NCKAP5: variants seen among roughly 807,000 people sequenced by gnomAD.
NCKAP5 encodes nck-associated protein 5.
A neutral mutation model predicts 167.0 loss-of-function variants in NCKAP5; 92 were observed. That is an observed-to-expected ratio of 0.55 (90% confidence interval 0.47 to 0.66). The LOEUF (loss-of-function observed/expected upper bound fraction) is 0.66, where lower values mean the gene tolerates loss of function less well. NCKAP5 is among the 30% of genes least tolerant of loss of function. The pLI, the probability that NCKAP5 is intolerant of heterozygous loss-of-function variation, is 0.00. For synonymous variants in NCKAP5, 891 were observed against 877.4 expected (o/e 1.02, Z -0.27); for missense variants, 2,378 against 2,315.0 (o/e 1.03, Z -0.56).
chr2:132,714,742 G>A lies in NCKAP5; in HGVS notation c.5713+10885C>T, dbSNP rs967067612. On this transcript the variant is annotated intron_variant, in intron 19 of 19. Coordinates refer to ENST00000409261, the MANE Select transcript of NCKAP5 (RefSeq NM_207363.3). ...GCAGGAGAATCGCTTGAACCCGGGA[G>A]GCAGAGGTTGCAGTGAGCCGAGATC... The A allele has an allele frequency of 3.7e-4, 142 of 385,986 alleles. 1 individual carries two copies. Among genetic ancestry groups the A allele is most frequent in the South Asian group, 2.4e-3 (122 of 51,306 alleles). The allele number at this position is 385,986 out of a possible 1,614,324, so 23.9% of individuals were successfully genotyped here. A position where few individuals can be genotyped will look rare whatever the true frequency, so the allele number is the denominator to read the frequency against.
intron 3 of NCKAP5, among the ~76,000 whole-genome samples, chr2:133,436,648 C>T (rs34702658): frequency 0.12 from 18,631 of 152,190 alleles, 1,457 homozygotes; most frequent in Non-Finnish European, 0.18. Context: ...CAGATCCCCA[C>T]TCTTCACCTG....
intron 11 of NCKAP5, among the ~76,000 whole-genome samples, chr2:132,838,323 C>G (rs1006070646): frequency 2.0e-5 from 3 of 152,058 alleles, no homozygotes; most frequent in African/African-American, 7.2e-5. Flanking sequence ...ATCTGCTCCC[C>G]CTCTTCTAAA....
chr2:133,261,748 G>A (rs2088918336), intron 4 of NCKAP5, among the ~76,000 whole-genome samples: 1 of 152,126 alleles, frequency 6.6e-6, no homozygotes, highest in Non-Finnish European at 1.5e-5. Flanking sequence ...GGAAAGAATA[G>A]GTATCATCTT....
At chr2:133,244,771 G>A (rs1434105241) in intron 4 of NCKAP5, among the ~76,000 whole-genome samples, 13 of 152,090 alleles carry the variant, frequency 8.5e-5, no homozygotes, top group African/African-American at 3.1e-4. Flanking sequence ...ATGAAGGAAA[G>A]TAACTCTTAA....
At chr2:132,798,387 G>T (rs1684771687) in intron 11 of NCKAP5, among the ~76,000 whole-genome samples, 1 of 152,212 alleles carries the variant, frequency 6.6e-6, no homozygotes, top group Admixed American at 6.5e-5. Flanking sequence ...TAAAGATTGA[G>T]AGAGTGCCAA....
chr2:133,536,046 C>T (rs1160209086), intron 2 of NCKAP5, among the ~76,000 whole-genome samples: 1 of 152,116 alleles, frequency 6.6e-6, no homozygotes, highest in Non-Finnish European at 1.5e-5. Flanking sequence ...AGTCCTTTGT[C>T]AGATGCATAG....
At chr2:132,879,505 T>A (rs1018665989) in intron 8 of NCKAP5, among the ~76,000 whole-genome samples, 1 of 152,200 alleles carries the variant, frequency 6.6e-6, no homozygotes, top group East Asian at 1.9e-4. Flanking sequence ...GGGTATGTGG[T>A]TGAATATGGT....
chr2:133,462,816 A>T (rs1692285250), intron 3 of NCKAP5, among the ~76,000 whole-genome samples: 1 of 152,222 alleles, frequency 6.6e-6, no homozygotes, highest in Non-Finnish European at 1.5e-5. Flanking sequence ...GCATAAGAGC[A>T]TGAATATGTC....
chr2:133,077,770 C>T (rs1444893837), intron 6 of NCKAP5, among the ~76,000 whole-genome samples: 5 of 152,186 alleles, frequency 3.3e-5, no homozygotes, highest in Non-Finnish European at 5.9e-5. Context: ...CTACTCTGGA[C>T]AGCTTCTGCA....
At chr2:132,883,615 CCCA>C (rs1250360184) in intron 8 of NCKAP5, among the ~76,000 whole-genome samples, 1 of 152,222 alleles carries the variant, frequency 6.6e-6, no homozygotes, top group Non-Finnish European at 1.5e-5. Context: ...TGCCCAACAG[CCCA>C]CTGGATCTGC....
At chr2:133,376,019 G>A (rs1686121103) in intron 3 of NCKAP5, among the ~76,000 whole-genome samples, 1 of 152,168 alleles carries the variant, frequency 6.6e-6, no homozygotes, top group Non-Finnish European at 1.5e-5. Context: ...AGGACCAAAT[G>A]CCTGGCTAGG....
At chr2:133,557,887 TG>T (rs1369739811) in intron 2 of NCKAP5, 1 of 152,120 alleles carries the variant, frequency 6.6e-6, no homozygotes, top group African/African-American at 2.4e-5. Flanking sequence ...TGCCCTGAGG[TG>T]GGGGCTTTCC....
chr2:133,075,635 A>G (rs2080574882), intron 6 of NCKAP5, among the ~76,000 whole-genome samples: 1 of 152,218 alleles, frequency 6.6e-6, no homozygotes, highest in Non-Finnish European at 1.5e-5. Context: ...GAGGTAAAAT[A>G]TCAACTCTAA....
intron 6 of NCKAP5, among the ~76,000 whole-genome samples, chr2:133,080,211 T>C (rs2080755602): frequency 6.6e-6 from 1 of 152,164 alleles, no homozygotes. Context: ...AGTATTACTT[T>C]TAAATAACAA....
intron 6 of NCKAP5, among the ~76,000 whole-genome samples, chr2:133,053,346 A>G (rs1184614149): frequency 6.6e-6 from 1 of 152,214 alleles, no homozygotes; most frequent in Non-Finnish European, 1.5e-5. Flanking sequence ...GTCTTGTTTT[A>G]TCCAAGATCC....
At chr2:133,526,679 C>T (rs1334108177) in intron 2 of NCKAP5, among the ~76,000 whole-genome samples, 1 of 152,126 alleles carries the variant, frequency 6.6e-6, no homozygotes, top group Non-Finnish European at 1.5e-5. Context: ...TCCCACTCTT[C>T]CTTTGTAAAG....
At chr2:133,495,421 C>T (rs1681854949) in intron 3 of NCKAP5, among the ~76,000 whole-genome samples, 1 of 152,134 alleles carries the variant, frequency 6.6e-6, no homozygotes, top group Non-Finnish European at 1.5e-5. Context: ...AGCACAGAAA[C>T]ACACTGACGC....
intron 3 of NCKAP5, among the ~76,000 whole-genome samples, chr2:133,447,589 CGTTCCCTTCCTTTCCCCTTCT>C (rs1559491830): frequency 7.0e-6 from 1 of 143,242 alleles, no homozygotes; most frequent in Non-Finnish European, 1.5e-5. Context: ...TTTCCCCTTC[CGTTCCCTTCCTTTCCCCTTCT>C]GTTCCCTTCC....
intron 5 of NCKAP5, among the ~76,000 whole-genome samples, chr2:133,136,912 C>A (rs982141372): frequency 6.6e-6 from 1 of 152,192 alleles, no homozygotes; most frequent in African/African-American, 2.4e-5. Flanking sequence ...CCAGAACAAT[C>A]CTTTTAATTC....
Sources: allele counts gnomAD v4.1 joint callset (sites outside exome capture counted in the v4.1 genomes callset), GRCh38; gene constraint gnomAD v4.1.1; transcripts MANE v1.5; gene names NCBI Gene and HGNC (gene_info 2026-07-23, HGNC 2026-07-21).